ARHGEF12: variants seen among roughly 807,000 people sequenced by gnomAD.
ARHGEF12 encodes Rho guanine nucleotide exchange factor 12, also known as KMT2A/ARHGEF12 fusion protein.
A neutral mutation model predicts 211.2 loss-of-function variants in ARHGEF12; 66 were observed. The observed-to-expected ratio is 0.31, with a 90% CI of 0.26 to 0.38. ARHGEF12 has a LOEUF of 0.38. Among genes scored for constraint, ARHGEF12 ranks in the 10% least tolerant of loss-of-function variants. The pLI is 1.00. For missense variants in ARHGEF12, 1,429 were observed against 1,869.5 expected (o/e 0.76, Z 4.34); for synonymous variants, 592 against 638.4 (o/e 0.93, Z 1.09).
chr11:120,427,952 G>A (rs977099007), intron 7 of ARHGEF12, 117 bp from the exon 8 acceptor site: 14 of 850,510 alleles, frequency 1.6e-5, no homozygotes, highest in Non-Finnish European at 2.2e-5. Context: ...TGATGGGACT[G>A]TCTTACATAA....
chr11:120,367,304 T>C (rs1181073728), intron 1 of ARHGEF12, among the ~76,000 whole-genome samples: 1 of 150,608 alleles, frequency 6.6e-6, no homozygotes, highest in Non-Finnish European at 1.5e-5. Context: ...ATAATTTCTC[T>C]TGTTTAGATG....
At chr11:120,481,155 C>G in intron 38 of ARHGEF12, 105 bp from the exon 39 acceptor site, 1 of 1,012,418 alleles carries the variant, frequency 9.9e-7, no homozygotes, top group Non-Finnish European at 1.5e-6. Flanking sequence ...AATGGCTTTT[C>G]CCTCTCTTAA....
chr11:120,357,910 A>C (rs1213607461), intron 1 of ARHGEF12, among the ~76,000 whole-genome samples: 1 of 152,202 alleles, frequency 6.6e-6, no homozygotes, highest in Admixed American at 6.6e-5. Flanking sequence ...GAAATAGCTC[A>C]CATTTTCAGG....
rs1333499049 is a variant in ARHGEF12 at position 120,337,118 on chromosome 11, A to C, written c.-126A>C. The C allele has an allele frequency of 8.9e-7, 1 of 1,128,202 alleles. No individual in the cohort carries two copies. The highest frequency in any genetic ancestry group is 1.5e-5 in the African/African-American group (1 of 65,660). The allele number at this position is 1,128,202 out of a possible 1,614,324, so 69.9% of individuals were successfully genotyped here. ...TCGGATGGTCTAGATGACTGAATGG[A>C]GTTTTGAGTTGGACTTTTGTGTCCC... On this transcript the variant is annotated 5_prime_UTR_variant, in exon 1 of 41. Coordinates refer to ENST00000397843, the MANE Select transcript of ARHGEF12 (RefSeq NM_015313.3).
At chr11:120,382,306 G>A (rs189559823) in intron 1 of ARHGEF12, among the ~76,000 whole-genome samples, 196 of 152,204 alleles carry the variant, frequency 1.3e-3, no homozygotes, top group African/African-American at 4.2e-3. Context: ...TTTTAATCTA[G>A]CATCTTTCTT....
At chr11:120,433,797 T>C (rs946279197) in intron 11 of ARHGEF12, among the ~76,000 whole-genome samples, 2 of 151,750 alleles carry the variant, frequency 1.3e-5, no homozygotes, top group South Asian at 4.2e-4. Flanking sequence ...CTACTAAAAA[T>C]ACAAAAAAAA....
chr11:120,475,823 G>GA (rs1472067659), intron 33 of ARHGEF12, among the ~76,000 whole-genome samples: 4 of 151,860 alleles, frequency 2.6e-5, no homozygotes, highest in East Asian at 3.9e-4. Context: ...GATTTGGTGA[G>GA]AAAAAAATCA....
intron 1 of ARHGEF12, among the ~76,000 whole-genome samples, chr11:120,357,519 G>A (rs1943162507): frequency 6.6e-6 from 1 of 152,150 alleles, no homozygotes; most frequent in Non-Finnish European, 1.5e-5. Flanking sequence ...CCTGGAATGT[G>A]GGATGTAGTT....
At chr11:120,484,997 T>C in intron 40 of ARHGEF12, 70 bp from the exon 41 acceptor site, 2 of 1,497,694 alleles carry the variant, frequency 1.3e-6, no homozygotes, top group Middle Eastern at 1.7e-4. Context: ...ACAGATGTCA[T>C]GGGTATTCTT....
chr11:120,369,246 A>T (rs1274504570), intron 1 of ARHGEF12, among the ~76,000 whole-genome samples: 1 of 149,178 alleles, frequency 6.7e-6, no homozygotes, highest in African/African-American at 2.5e-5. Context: ...CTCCCACCTC[A>T]GCCTCCCGAG....
intron 12 of ARHGEF12, 62 bp from the exon 13 acceptor site, chr11:120,440,066 TA>T: frequency 1.7e-6 from 2 of 1,195,806 alleles, no homozygotes; most frequent in Non-Finnish European, 2.5e-6. Context: ...GGGTTGGCTT[TA>T]TTCTTTTTCT....
chr11:120,478,243 A>C lies in ARHGEF12; in HGVS notation c.3620A>C (p.Asp1207Ala). Residue 1207 changes from aspartate (D) to alanine (A), a missense_variant, in exon 37 of 41, where the codon GAT becomes GCT. Around this residue, in one of 7 missense-constraint regions of ARHGEF12, gnomAD observed 467 missense variants for 468.4 expected, o/e 1.00. Transcript: ENST00000397843. ...LSTSGKSEVR[D>A]LFVAERQFAK... ...ACCTCTGGGAAATCAGAGGTACGTG[A>C]TCTGTTTGTGGCTGAGAGACAGTTT... is the stretch of plus-strand genomic sequence containing the variant. 6.2e-7 allele frequency: 1 copy of C among 1,614,160 alleles called. No individual in the cohort carries two copies. The highest frequency in any genetic ancestry group is 8.5e-7 in the Non-Finnish European group (1 of 1,180,020).
chr11:120,446,740 G>A (rs1444438687), intron 17 of ARHGEF12, among the ~76,000 whole-genome samples: 1 of 152,152 alleles, frequency 6.6e-6, no homozygotes, highest in Admixed American at 6.5e-5. Context: ...TATGCTAAGT[G>A]TGTTCCTTTA....
Position 120,428,068 on chromosome 11 carries a change from G to A in ARHGEF12, c.407-1G>A. On this transcript the variant is annotated splice_acceptor_variant, in intron 7 of 40. Transcript: ENST00000397843. LOFTEE classifies it high-confidence loss of function. ...CCCTTTTTCCGTCTCCCCACCCCAA[G>A]CTGGTTCCTATGTAGCTCTCACTGT... is the stretch of plus-strand genomic sequence containing the variant. The A allele has an allele frequency of 1.3e-6, 2 of 1,560,654 alleles. No homozygotes were observed. Among genetic ancestry groups the A allele is most frequent in the South Asian group, 1.3e-5 (1 of 79,868 alleles).
intron 13 of ARHGEF12, among the ~76,000 whole-genome samples, chr11:120,441,443 A>G (rs1945864785): frequency 1.3e-5 from 2 of 152,166 alleles, no homozygotes; most frequent in African/African-American, 2.4e-5. Context: ...ATTTGTATAC[A>G]TCCGAGCTAC....
chr11:120,461,977 A>G (rs1326590044), intron 27 of ARHGEF12, among the ~76,000 whole-genome samples: 1 of 102,172 alleles, frequency 9.8e-6, no homozygotes, highest in Non-Finnish European at 2.3e-5. Flanking sequence ...CATCTTCTTT[A>G]TACAGACTAA....
chr11:120,389,446 A>G (rs1397465680), intron 1 of ARHGEF12, among the ~76,000 whole-genome samples: 1 of 152,038 alleles, frequency 6.6e-6, no homozygotes, highest in African/African-American at 2.4e-5. Context: ...TCTGTGATAC[A>G]TTTTCAGGTA....
intron 1 of ARHGEF12, among the ~76,000 whole-genome samples, chr11:120,398,521 C>G (rs1056530965): frequency 6.6e-6 from 1 of 152,022 alleles, no homozygotes; most frequent in African/African-American, 2.4e-5. Flanking sequence ...GTCCTTTTAT[C>G]GATGGTGGTT....
chr11:120,339,005 C>CTTTTTTTTT (rs906260027), intron 1 of ARHGEF12, among the ~76,000 whole-genome samples: 18 of 121,994 alleles, frequency 1.5e-4, no homozygotes, highest in African/African-American at 3.1e-4. Context: ...TTTTCTTTTT[C>CTTTTTTTTT]TTTTTTTTTT....
Sources: gnomAD v4.1 joint callset for allele counts (sites outside exome capture counted in the v4.1 genomes callset) on GRCh38, gnomAD v4.1.1 for gene constraint, gnomAD v4.1.1 regional missense constraint, MANE v1.5 for transcripts, NCBI Gene and HGNC (gene_info 2026-07-23, HGNC 2026-07-21) for gene names.